Variants in XPR1 observed in about 807,000 individuals in gnomAD.
The protein encoded by XPR1 is solute carrier family 53 member 1.
XPR1 carries 28 observed loss-of-function variants against 87.5 expected under a neutral mutation model. That is an observed-to-expected ratio of 0.32 (90% CI 0.24 to 0.44). The LOEUF (loss-of-function observed/expected upper bound fraction) is 0.44, where lower values mean the gene tolerates loss of function less well. Among genes scored for constraint, XPR1 ranks in the 20% least tolerant of loss-of-function variants. The probability of loss-of-function intolerance (pLI) is 1.00; values close to 1 mark genes in which losing one functional copy is unlikely to be tolerated. For synonymous variants in XPR1, 300 were observed against 306.1 expected, an observed-to-expected ratio of 0.98 and a Z score of 0.21; for missense variants, 559 against 862.3, an observed-to-expected ratio of 0.65 and a Z score of 4.41.
intron 11 of XPR1, among the ~76,000 whole-genome samples, chr1:180,850,102 CTT>C (rs1162654763): frequency 2.0e-5 from 3 of 152,058 alleles, no homozygotes; most frequent in South Asian, 2.1e-4. Context: ...GAAGTACTGA[CTT>C]TGATTTTTTG....
At chr1:180,672,331 T>G (rs1656208827) in intron 1 of XPR1, among the ~76,000 whole-genome samples, 1 of 152,196 alleles carries the variant, frequency 6.6e-6, no homozygotes, top group Admixed American at 6.5e-5. Context: ...GCTTATATAC[T>G]CTAGGCTTTA....
At chr1:180,747,214 T>G (rs1364884423) in intron 2 of XPR1, among the ~76,000 whole-genome samples, 1 of 151,678 alleles carries the variant, frequency 6.6e-6, no homozygotes, top group Non-Finnish European at 1.5e-5. Flanking sequence ...TAAGTATACA[T>G]TTTTTAAAAA....
intron 2 of XPR1, among the ~76,000 whole-genome samples, chr1:180,697,858 G>A (rs959901524): frequency 1.3e-5 from 2 of 152,074 alleles, no homozygotes; most frequent in Non-Finnish European, 2.9e-5. Context: ...TTTGTTTTGT[G>A]GCCTAACATA....
chr1:180,851,475 A>G (rs1651867752), intron 11 of XPR1, among the ~76,000 whole-genome samples: 1 of 152,238 alleles, frequency 6.6e-6, no homozygotes. Context: ...ATTATAAAAT[A>G]ACTCCAAGAC....
chr1:180,722,833 G>T (rs993538190), intron 2 of XPR1, among the ~76,000 whole-genome samples: 1 of 152,136 alleles, frequency 6.6e-6, no homozygotes, highest in Non-Finnish European at 1.5e-5. Context: ...TGGACAGGTG[G>T]TATGTTTACA....
chr1:180,833,463 A>G (rs1037424407), intron 9 of XPR1, among the ~76,000 whole-genome samples: 19 of 152,094 alleles, frequency 1.2e-4, no homozygotes, highest in African/African-American at 4.3e-4. Context: ...CATAGGCTCA[A>G]AATAAAGGGC....
chr1:180,653,176 G>T (rs570439546), intron 1 of XPR1, among the ~76,000 whole-genome samples: 2 of 152,230 alleles, frequency 1.3e-5, no homozygotes, highest in East Asian at 3.9e-4. Context: ...CTTGTTATTT[G>T]TACAATATTC....
intron 2 of XPR1, among the ~76,000 whole-genome samples, chr1:180,787,420 C>G (rs1649193838): frequency 6.6e-6 from 1 of 151,904 alleles, no homozygotes; most frequent in Non-Finnish European, 1.5e-5. Flanking sequence ...GGTGGGATTA[C>G]AGGCACCCAC....
At chr1:180,777,270 C>T (rs2102073273) in intron 2 of XPR1, among the ~76,000 whole-genome samples, 1 of 152,306 alleles carries the variant, frequency 6.6e-6, no homozygotes, top group Admixed American at 6.5e-5. Flanking sequence ...ATCTACTGTA[C>T]TACGTCTCAC....
intron 11 of XPR1, among the ~76,000 whole-genome samples, chr1:180,840,562 GTGTGTATATA>G (rs1448433875): frequency 7.4e-6 from 1 of 135,092 alleles, no homozygotes; most frequent in East Asian, 2.1e-4. Context: ...GTGTGTGTGT[GTGTGTATATA>G]TATATATATA....
intron 2 of XPR1, among the ~76,000 whole-genome samples, chr1:180,719,724 CTTCT>C (rs551555987): frequency 3.9e-4 from 59 of 152,106 alleles, no homozygotes; most frequent in Non-Finnish European, 7.9e-4. Flanking sequence ...CGTTTTATCA[CTTCT>C]TTGTGTTGCG....
At chr1:180,652,857 A>G (rs1426297406) in intron 1 of XPR1, among the ~76,000 whole-genome samples, 2 of 152,214 alleles carry the variant, frequency 1.3e-5, no homozygotes, top group East Asian at 3.8e-4. Flanking sequence ...TCTGTGTAGC[A>G]TGCGTTTCGG....
At chr1:180,758,193 C>CA (rs1557992838) in intron 2 of XPR1, among the ~76,000 whole-genome samples, 6 of 150,758 alleles carry the variant, frequency 4.0e-5, no homozygotes, top group Non-Finnish European at 7.4e-5. Context: ...TCCTTTACGG[C>CA]AATATGGATG....
intron 1 of XPR1, among the ~76,000 whole-genome samples, chr1:180,661,958 AAACT>A (rs1655794652): frequency 6.6e-6 from 1 of 152,192 alleles, no homozygotes; most frequent in African/African-American, 2.4e-5. Flanking sequence ...AGCAAAAAGA[AAACT>A]AATAAAAACT....
At chr1:180,657,009 C>G (rs1655555243) in intron 1 of XPR1, among the ~76,000 whole-genome samples, 1 of 151,668 alleles carries the variant, frequency 6.6e-6, no homozygotes, top group South Asian at 2.1e-4. Flanking sequence ...TTATTATTGC[C>G]TGTTTTTGGA....
intron 2 of XPR1, among the ~76,000 whole-genome samples, chr1:180,703,410 G>A (rs567478506): frequency 6.6e-6 from 1 of 152,286 alleles, no homozygotes; most frequent in South Asian, 2.1e-4. Context: ...GCATGCGGGT[G>A]CCAGCATCAG....
At chr1:180,722,611 G>GTT (rs1363401757) in intron 2 of XPR1, among the ~76,000 whole-genome samples, 1 of 152,150 alleles carries the variant, frequency 6.6e-6, no homozygotes. Context: ...TATCTGATAA[G>GTT]TTAATTTATA....
chr1:180,876,266 A>T (rs1652660352), intron 13 of XPR1, among the ~76,000 whole-genome samples: 1 of 152,252 alleles, frequency 6.6e-6, no homozygotes, highest in Admixed American at 6.5e-5. Flanking sequence ...ATGAAATATT[A>T]GCATATGAAT....
chr1:180,723,034 C>T (rs942231418), intron 2 of XPR1, among the ~76,000 whole-genome samples: 2 of 152,128 alleles, frequency 1.3e-5, no homozygotes, highest in Non-Finnish European at 2.9e-5. Flanking sequence ...TACCGATAAA[C>T]CACATAGCTT....
Sources: allele counts gnomAD v4.1 joint callset (sites outside exome capture counted in the v4.1 genomes callset), GRCh38; gene constraint gnomAD v4.1.1; transcripts MANE v1.5; gene names NCBI Gene and HGNC (gene_info 2026-07-23, HGNC 2026-07-21).